The following AP3S1 variants were observed in gnomAD, a reference collection of about 807,000 sequenced individuals.
AP3S1 encodes the protein AP-3 complex subunit sigma-1.
Under a neutral mutation model 21.3 loss-of-function variants are expected in AP3S1, and 12 were observed. That is an observed-to-expected ratio of 0.56 (90% CI 0.36 to 0.91). AP3S1 has a LOEUF of 0.91. Ranked by LOEUF, AP3S1 falls within the 40% of genes least tolerant of loss-of-function variation. The pLI, the probability that AP3S1 is intolerant of heterozygous loss-of-function variation, is 0.01. For synonymous variants in AP3S1, 48 were observed against 78.4 expected, an observed-to-expected ratio of 0.61 and a Z score of 2.05; for missense variants, 116 against 225.0, an observed-to-expected ratio of 0.52 and a Z score of 3.10.
intron 1 of AP3S1, 95 bp from the exon 2 acceptor site, chr5:115,866,575 C>T: frequency 2.6e-6 from 2 of 769,584 alleles, no homozygotes; most frequent in Non-Finnish European, 1.9e-6. Flanking sequence ...GATGGATTTC[C>T]CAGACAGATA....
chr5:115,900,580 G>A (rs1043825623), intron 4 of AP3S1, among the ~76,000 whole-genome samples: 2 of 152,142 alleles, frequency 1.3e-5, no homozygotes, highest in African/African-American at 4.8e-5. Flanking sequence ...CAGTCTAGAG[G>A]TGCTCATGAT....
intron 3 of AP3S1, among the ~76,000 whole-genome samples, chr5:115,880,774 G>A (rs1462362832): frequency 6.6e-6 from 1 of 151,922 alleles, no homozygotes; most frequent in African/African-American, 2.4e-5. Context: ...TCTGTCTTGT[G>A]GATCTGTCTA....
At chr5:115,912,007 A>G (rs1467420326) in intron 5 of AP3S1, 1 of 151,854 alleles carries the variant, frequency 6.6e-6, no homozygotes, top group Non-Finnish European at 1.5e-5. Context: ...TATTCTACTA[A>G]TTTTTCTATT....
chr5:115,860,857 G>C (rs1231117868), intron 1 of AP3S1, among the ~76,000 whole-genome samples: 1 of 152,122 alleles, frequency 6.6e-6, no homozygotes, highest in African/African-American at 2.4e-5. Context: ...TTAGAACACA[G>C]CTTGCACTTT....
At chr5:115,868,955 G>A (rs774172722) in intron 2 of AP3S1, among the ~76,000 whole-genome samples, 4 of 20,634 alleles carry the variant, frequency 1.9e-4, no homozygotes, top group East Asian at 4.9e-4. Context: ...GGAAGGAAGG[G>A]AGGGAGGGAG....
chr5:115,912,972 CAAAAGA>C (rs983614686), intron 5 of AP3S1, among the ~76,000 whole-genome samples: 6 of 151,896 alleles, frequency 4.0e-5, no homozygotes, highest in Non-Finnish European at 8.8e-5. Context: ...ATTTTAAAAG[CAAAAGA>C]AAATCTATCA....
intron 1 of AP3S1, among the ~76,000 whole-genome samples, chr5:115,854,470 G>C (rs1293131127): frequency 1.3e-5 from 2 of 152,072 alleles, no homozygotes; most frequent in Admixed American, 6.6e-5. Context: ...CTTCTTGTTT[G>C]GGATTTGAGG....
At chr5:115,884,257 A>T (rs932992258) in intron 3 of AP3S1, among the ~76,000 whole-genome samples, 1 of 152,174 alleles carries the variant, frequency 6.6e-6, no homozygotes, top group Non-Finnish European at 1.5e-5. Flanking sequence ...AGAAGTTCAT[A>T]TATTATGGTT....
At chr5:115,894,840 C>A (rs904853798) in intron 3 of AP3S1, among the ~76,000 whole-genome samples, 1 of 152,082 alleles carries the variant, frequency 6.6e-6, no homozygotes, top group Non-Finnish European at 1.5e-5. Flanking sequence ...CTAAGACTTT[C>A]TAGTTTTAGT....
At chr5:115,899,493 G>T (rs938758932) in intron 4 of AP3S1, among the ~76,000 whole-genome samples, 1 of 152,098 alleles carries the variant, frequency 6.6e-6, no homozygotes, top group African/African-American at 2.4e-5. Context: ...TTGCTGTGTT[G>T]CCCAGGCTGG....
chr5:115,893,037 A>G (rs1200574636), intron 3 of AP3S1, among the ~76,000 whole-genome samples: 2 of 152,254 alleles, frequency 1.3e-5, no homozygotes, highest in African/African-American at 2.4e-5. Context: ...CCTTGTGGTG[A>G]GGTCAAGTGT....
chr5:115,858,206 A>G (rs747369782), intron 1 of AP3S1, among the ~76,000 whole-genome samples: 1 of 152,086 alleles, frequency 6.6e-6, no homozygotes, highest in Non-Finnish European at 1.5e-5. Flanking sequence ...CCCTCCAGCA[A>G]TTTCTTGAGA....
rs368676418 is a variant in AP3S1 at position 115,848,632 on chromosome 5, C to T, written c.69+6526C>T. On this transcript the variant is annotated intron_variant, in intron 1 of 5. Coordinates refer to ENST00000316788, the MANE Select transcript of AP3S1 (RefSeq NM_001284.4). ...TTTGAAAGTCAAGAGTTCATTCTTACCTTTAGCACTTAGTCTTTTTTGTAC... is the reference window on the plus strand; with the variant it reads ...TTTGAAAGTCAAGAGTTCATTCTTATCTTTAGCACTTAGTCTTTTTTGTAC... 4.0e-4 allele frequency among the ~76,000 whole-genome samples: 61 copies of T among 152,260 alleles called. No individual in the cohort carries two copies. The South Asian group carries it at 0.012, about 31-fold the overall frequency.
chr5:115,855,763 G>T (rs989851770), intron 1 of AP3S1, among the ~76,000 whole-genome samples: 4 of 152,158 alleles, frequency 2.6e-5, no homozygotes, highest in Admixed American at 1.3e-4. Flanking sequence ...TTGAGAAAAG[G>T]ATCTATTTGT....
At chr5:115,907,156 T>C (rs565535495) in intron 5 of AP3S1, 1 of 261,484 alleles carries the variant, frequency 3.8e-6, no homozygotes, top group South Asian at 1.4e-4. Flanking sequence ...AAATTGCATT[T>C]GCAGAAGTGA....
chr5:115,860,033 G>C (rs1763062090), intron 1 of AP3S1, among the ~76,000 whole-genome samples: 1 of 152,196 alleles, frequency 6.6e-6, no homozygotes, highest in Admixed American at 6.5e-5. Context: ...CTAAAATCAA[G>C]GTATTGGTAT....
At chr5:115,858,684 A>G (rs1762956511) in intron 1 of AP3S1, among the ~76,000 whole-genome samples, 1 of 151,486 alleles carries the variant, frequency 6.6e-6, no homozygotes, top group Non-Finnish European at 1.5e-5. Context: ...CCTTTGGGTC[A>G]ATTTCCCACC....
At chr5:115,909,403 T>C (rs1751920795) in intron 5 of AP3S1, among the ~76,000 whole-genome samples, 1 of 152,242 alleles carries the variant, frequency 6.6e-6, no homozygotes, top group Admixed American at 6.5e-5. Context: ...TAAGTCTTTA[T>C]CTGTTTGGCC....
chr5:115,854,710 T>C (rs1762675780), intron 1 of AP3S1, among the ~76,000 whole-genome samples: 1 of 152,008 alleles, frequency 6.6e-6, no homozygotes, highest in Non-Finnish European at 1.5e-5. Flanking sequence ...ACATAAACTA[T>C]TATTATTCTT....
Sources: gnomAD v4.1 joint callset for allele counts (sites outside exome capture counted in the v4.1 genomes callset) on GRCh38, gnomAD v4.1.1 for gene constraint, MANE v1.5 for transcripts, NCBI Gene and HGNC (gene_info 2026-07-23, HGNC 2026-07-21) for gene names.